GGT7: variants seen among roughly 807,000 people sequenced by gnomAD.
GGT7 encodes glutathione hydrolase 7.
GGT7 carries 30 observed loss-of-function variants against 69.2 expected under a neutral mutation model. The observed-to-expected ratio is 0.43, with a 90% CI of 0.32 to 0.59. The LOEUF (loss-of-function observed/expected upper bound fraction) is 0.59. GGT7 is among the 20% of genes least tolerant of loss of function. GGT7 has a pLI of 0.05. For missense variants in GGT7, 733 were observed against 901.1 expected (o/e 0.81, Z 2.39); for synonymous variants, 388 against 391.8 (o/e 0.99, Z 0.12).
chr20:34,871,867 A>T (rs1348677592), intron 1 of GGT7, among the ~76,000 whole-genome samples: 2 of 152,176 alleles, frequency 1.3e-5, no homozygotes, highest in Non-Finnish European at 2.9e-5. Context: ...AGCAGCAGGG[A>T]AGGAATGCAC....
chr20:34,863,789 C>T lies in GGT7; in HGVS notation c.170-241G>A, dbSNP rs1389550527. ...GCAGGGAGGCTGGATTCCCGCCCCTCCCTGATACCTAGGCCAAATTTCCTG... is the reference window on the plus strand; with the variant it reads ...GCAGGGAGGCTGGATTCCCGCCCCTTCCTGATACCTAGGCCAAATTTCCTG... On this transcript the variant is annotated intron_variant, in intron 1 of 14. Coordinates refer to ENST00000336431, the MANE Select transcript of GGT7 (RefSeq NM_178026.3). The surrounding 1 kb of genome is among the most constrained non-coding windows in gnomAD (Gnocchi z 4.4). 3 of 700,880 alleles carry T rather than the reference C, an allele frequency of 4.3e-6. No individual in the cohort carries two copies. The highest frequency in any genetic ancestry group is 1.5e-5 in the South Asian group (1 of 66,454). 43.4% of individuals were successfully genotyped at this position (700,880 alleles called of 1,614,324 possible).
intron 1 of GGT7, among the ~76,000 whole-genome samples, chr20:34,864,230 T>C (rs2079651917): frequency 6.6e-6 from 1 of 151,992 alleles, no homozygotes; most frequent in Non-Finnish European, 1.5e-5. Flanking sequence ...ACTTTTAAGC[T>C]GAAAACTAAG....
intron 13 of GGT7, 32 bp downstream of exon 13, chr20:34,851,199 C>T: frequency 6.2e-7 from 1 of 1,609,932 alleles, no homozygotes; most frequent in Non-Finnish European, 8.5e-7. Context: ...TGGCTCCCGG[C>T]TGAAAAAGGC....
intron 7 of GGT7, among the ~76,000 whole-genome samples, 189 bp from the exon 8 acceptor site, chr20:34,857,082 C>T (rs986011314): frequency 1.3e-5 from 2 of 152,180 alleles, no homozygotes; most frequent in Non-Finnish European, 2.9e-5. Context: ...AAAGCACTAA[C>T]ATTGAGCACC....
intron 12 of GGT7, 140 bp from the exon 13 acceptor site, chr20:34,851,508 C>T: frequency 1.2e-6 from 1 of 830,218 alleles, no homozygotes. Flanking sequence ...TGGTCCCTTC[C>T]CAGACAACAG....
At chr20:34,871,276 G>A (rs968390588) in intron 1 of GGT7, among the ~76,000 whole-genome samples, 3 of 152,212 alleles carry the variant, frequency 2.0e-5, no homozygotes, top group African/African-American at 7.2e-5. Context: ...GGCATTCTCT[G>A]TTGAGCTGGA....
At chr20:34,851,960 T>C (rs1219391318) in intron 12 of GGT7, among the ~76,000 whole-genome samples, 195 bp downstream of exon 12, 3 of 152,230 alleles carry the variant, frequency 2.0e-5, no homozygotes, top group Non-Finnish European at 4.4e-5. Flanking sequence ...AGTGACAGAA[T>C]GGGACAAGGG....
chr20:34,845,345 C>T lies in GGT7; in HGVS notation c.1972G>A (p.Gly658Arg). Residue 658 changes from glycine (G) to arginine (R), a missense_variant, in exon 15 of 15, where the codon GGA becomes AGA. Gly to Arg is a moderately radical substitution (Grantham distance 125, BLOSUM62 -2). Transcript: ENST00000336431. ...CCGCTGCTCTACAGGATGGTGGCTC[C>T]AGCTGCATCTGGGCTCCGAGGGTCC... Reference protein sequence around the residue: ...VKDPRSPDAAGATIL With the variant: ...VKDPRSPDAARATIL 1 of 1,613,792 alleles carries T rather than the reference C, an allele frequency of 6.2e-7. No homozygotes were observed. The highest frequency in any genetic ancestry group is 8.5e-7 in the Non-Finnish European group (1 of 1,179,866).
intron 7 of GGT7, 142 bp downstream of exon 7, chr20:34,859,301 G>A (rs2079543149): frequency 1.7e-6 from 1 of 591,618 alleles, no homozygotes; most frequent in African/African-American, 1.9e-5. Flanking sequence ...GACTATTCTA[G>A]AATTTCAAAT....
chr20:34,845,328 C>G lies in GGT7; in HGVS notation c.1989G>C (p.Ter663TyrextTer49), dbSNP rs767781765. 2 of 1,612,948 alleles carry G rather than the reference C, an allele frequency of 1.2e-6. No homozygotes were observed. Among genetic ancestry groups the G allele is most frequent in the Admixed American group, 1.7e-5 (1 of 59,820 alleles). Residue 663 changes from the stop codon to tyrosine (Y), a stop_lost, in exon 15 of 15, where the codon TAG becomes TAC. Transcript: ENST00000336431. Reference protein sequence around the residue: ...SPDAAGATIL* With the variant: ...SPDAAGATILY ...AGAGACCCCGCCCCACCCCGCTGCT[C>G]TACAGGATGGTGGCTCCAGCTGCAT... is the stretch of plus-strand genomic sequence containing the variant.
chr20:34,859,760 G>A (rs935208447), intron 6 of GGT7, 121 bp from the exon 7 acceptor site: 46 of 893,376 alleles, frequency 5.1e-5, no homozygotes, highest in Non-Finnish European at 6.5e-5. Context: ...ACCCCCAGGA[G>A]CCTGTTAAGT....
In GGT7 at chr20:34,863,093, C is replaced by T; in HGVS notation, c.406-128G>A. The T allele has an allele frequency of 1.1e-6, 1 of 907,074 alleles. No homozygotes were observed. Among genetic ancestry groups the T allele is most frequent in the Non-Finnish European group, 1.7e-6 (1 of 592,904 alleles). 56.2% of individuals were successfully genotyped at this position (907,074 alleles called of 1,614,324 possible). A position where few individuals can be genotyped will look rare whatever the true frequency, so the allele number is the denominator to read the frequency against. ...CTGCCCCCTTGTTGCCTTGACTCTG[C>T]CCTCATTACCCCAAGTGCCTCCTAA... On this transcript the variant is annotated intron_variant, in intron 2 of 14. Transcript: ENST00000336431. This position sits in a 1 kb window ranked among gnomAD's most constrained non-coding sequence, Gnocchi z 4.4.
chr20:34,862,733 G>T, intron 3 of GGT7, 81 bp downstream of exon 3: 1 of 1,399,566 alleles, frequency 7.1e-7, no homozygotes, highest in Non-Finnish European at 1.0e-6. Context: ...CTCTCCCTAA[G>T]TTAGGAGTGC....
At chr20:34,869,703 G>A (rs6088633) in intron 1 of GGT7, among the ~76,000 whole-genome samples, 35 of 152,312 alleles carry the variant, frequency 2.3e-4, no homozygotes, top group Non-Finnish European at 3.1e-4. Flanking sequence ...ATTTGGAAAT[G>A]AGAAGAAAAG....
intron 4 of GGT7, 41 bp downstream of exon 4, chr20:34,861,404 A>T: frequency 4.0e-6 from 4 of 998,908 alleles, no homozygotes; most frequent in Non-Finnish European, 6.0e-6. Flanking sequence ...GGCAATGAAG[A>T]GAGACTCCCC....
intron 3 of GGT7, among the ~76,000 whole-genome samples, chr20:34,862,406 T>C (rs1301565998): frequency 6.6e-6 from 1 of 152,142 alleles, no homozygotes; most frequent in African/African-American, 2.4e-5. Context: ...GGCCAGCTTG[T>C]AACTTCTAAG....
rs139011248 is a variant in GGT7 at position 34,852,447 on chromosome 20, G to T, written c.1411C>A (p.Pro471Thr). ...ATGATCAGCACCTGGGCAGCCGTGG[G>T]AGCTCCGTCTAGTTCATAGACAGGC... ...LLPVYELDGAPTAAQVLIMGP... is the reference protein window; with the variant it reads ...LLPVYELDGATTAAQVLIMGP... Residue 471 changes from proline to threonine, a missense_variant, in exon 11 of 15, where the codon CCC becomes ACC. Coordinates refer to ENST00000336431, the MANE Select transcript of GGT7 (RefSeq NM_178026.3). The T allele has an allele frequency of 5.9e-5, 95 of 1,613,902 alleles. No homozygotes were observed. The highest frequency in any genetic ancestry group is 3.3e-5 in the Admixed American group (2 of 59,980).
At chr20:34,861,388 C>T (rs899829672) in intron 4 of GGT7, 57 bp downstream of exon 4, 1 of 782,678 alleles carries the variant, frequency 1.3e-6, no homozygotes, top group Admixed American at 2.5e-5. Flanking sequence ...CTTGGGTTAG[C>T]AGAAGGGCAA....
At chr20:34,845,553 A>G (rs896446353) in intron 14 of GGT7, 62 bp from the exon 15 acceptor site, 36 of 1,442,774 alleles carry the variant, frequency 2.5e-5, no homozygotes, top group African/African-American at 4.2e-5. Flanking sequence ...CAAGAGTCCT[A>G]CAGTCAGACC....
Sources: gnomAD v4.1 joint callset for allele counts (sites outside exome capture counted in the v4.1 genomes callset) on GRCh38, gnomAD v4.1.1 for gene constraint, Gnocchi (gnomAD v3.1) non-coding constraint, MANE v1.5 for transcripts, NCBI Gene and HGNC (gene_info 2026-07-23, HGNC 2026-07-21) for gene names.